The following KCNMA1 variants were observed in gnomAD, a reference collection of about 807,000 sequenced individuals.
The protein encoded by KCNMA1 is potassium calcium-activated channel subfamily M alpha 1, also known as Calcium-activated potassium channel subunit alpha-1.
A neutral mutation model predicts 140.0 loss-of-function variants in KCNMA1; 29 were observed. That is an observed-to-expected ratio of 0.21 (90% confidence interval 0.15 to 0.28). The LOEUF (loss-of-function observed/expected upper bound fraction) is 0.28. Ranked by LOEUF, KCNMA1 falls within the 10% of genes least tolerant of loss-of-function variation. The pLI, the probability that KCNMA1 is intolerant of heterozygous loss-of-function variation, is 1.00. For synonymous variants in KCNMA1, 612 were observed against 611.9 expected, an observed-to-expected ratio of 1.00 and a Z score of 0.00; for missense variants, 880 against 1,602.2, an observed-to-expected ratio of 0.55 and a Z score of 7.70.
At chr10:77,315,965 G>A (rs1267494605) in intron 2 of KCNMA1, among the ~76,000 whole-genome samples, 2 of 152,162 alleles carry the variant, frequency 1.3e-5, no homozygotes, top group Non-Finnish European at 2.9e-5. Context: ...AAAGTACTCA[G>A]CATTGGTGGG....
At chr10:77,318,386 T>C (rs2081423083) in intron 2 of KCNMA1, among the ~76,000 whole-genome samples, 1 of 152,164 alleles carries the variant, frequency 6.6e-6, no homozygotes, top group South Asian at 2.1e-4. Flanking sequence ...GGAATCCATG[T>C]GTGTTGGATT....
chr10:77,122,413 A>C (rs145012821), intron 5 of KCNMA1, among the ~76,000 whole-genome samples: 2 of 152,300 alleles, frequency 1.3e-5, no homozygotes, highest in Non-Finnish European at 2.9e-5. Context: ...CGGGATGTTG[A>C]TGAAATAAAA....
At chr10:77,166,060 G>A (rs1564929600) in intron 5 of KCNMA1, among the ~76,000 whole-genome samples, 2 of 152,184 alleles carry the variant, frequency 1.3e-5, no homozygotes, top group Non-Finnish European at 2.9e-5. Context: ...AAAAGCTGGC[G>A]ACACTTGTGT....
intron 2 of KCNMA1, among the ~76,000 whole-genome samples, chr10:77,273,740 G>A: frequency 1.3e-5 from 2 of 152,164 alleles, no homozygotes; most frequent in East Asian, 3.9e-4. Flanking sequence ...ATCATGGATA[G>A]AATTTGGAGG....
intron 2 of KCNMA1, among the ~76,000 whole-genome samples, chr10:77,350,072 T>C (rs1603307222): frequency 6.6e-6 from 1 of 152,256 alleles, no homozygotes; most frequent in African/African-American, 2.4e-5. Context: ...CTAATTTTTG[T>C]ATTTTTAATA....
In KCNMA1 at chr10:77,403,330, G is replaced by C. The variant is rs147527331; in HGVS notation, c.540+532C>G. Among the ~76,000 whole-genome samples the C allele has an allele frequency of 1.1e-4, 17 of 152,276 alleles. No individual in the cohort carries two copies. In the East Asian group the frequency reaches 3.3e-3, roughly 29 times the overall value. ...GCCAGGCAGCCTCAGGTGGGCTACT[G>C]ATGCATCCACCATCAGCATGACTGA... On this transcript the variant is annotated intron_variant, in intron 2 of 27. Transcript: ENST00000286628.
chr10:77,625,406 T>C (rs2092349431), intron 1 of KCNMA1, among the ~76,000 whole-genome samples: 1 of 152,168 alleles, frequency 6.6e-6, no homozygotes, highest in African/African-American at 2.4e-5. Flanking sequence ...CTCAACCATT[T>C]TTAAGTGTGT....
chr10:76,939,923 T>C (rs1046937672), intron 23 of KCNMA1: 2 of 152,222 alleles, frequency 1.3e-5, no homozygotes, highest in African/African-American at 2.4e-5. Context: ...CTGATTTAAA[T>C]TGAAATGTTT....
chr10:77,450,428 T>TTA (rs1316080385), intron 1 of KCNMA1, among the ~76,000 whole-genome samples: 5 of 152,270 alleles, frequency 3.3e-5, no homozygotes, highest in African/African-American at 7.2e-5. Context: ...ATATTAACAT[T>TTA]TATATATATT....
chr10:77,361,220 C>T (rs1192619702), intron 2 of KCNMA1, among the ~76,000 whole-genome samples: 3 of 152,148 alleles, frequency 2.0e-5, no homozygotes, highest in Non-Finnish European at 4.4e-5. Context: ...CTCTTAACTA[C>T]TATTAGTGTA....
At chr10:77,634,168 A>C (rs2093496973) in intron 1 of KCNMA1, 6 of 985,324 alleles carry the variant, frequency 6.1e-6, no homozygotes, top group Non-Finnish European at 7.2e-6. Flanking sequence ...TATTCAATAT[A>C]GTCTATGACA....
chr10:77,239,860 G>A (rs868634973), intron 3 of KCNMA1, among the ~76,000 whole-genome samples: 19 of 152,270 alleles, frequency 1.2e-4, no homozygotes, highest in African/African-American at 3.9e-4. Context: ...ACAAAGTTCA[G>A]CAAATTGTGA....
intron 3 of KCNMA1, among the ~76,000 whole-genome samples, chr10:77,209,027 TG>T (rs1276952466): frequency 1.3e-5 from 2 of 152,198 alleles, no homozygotes. Flanking sequence ...TATCTCTCTT[TG>T]GAAGAGTGCA....
intron 1 of KCNMA1, among the ~76,000 whole-genome samples, chr10:77,417,042 C>G (rs1220691935): frequency 1.3e-5 from 2 of 152,160 alleles, no homozygotes; most frequent in Non-Finnish European, 2.9e-5. Context: ...ATGACTTGGT[C>G]CTCCTGACTG....
intron 1 of KCNMA1, among the ~76,000 whole-genome samples, chr10:77,421,747 G>A (rs2096870995): frequency 6.6e-6 from 1 of 152,230 alleles, no homozygotes; most frequent in Non-Finnish European, 1.5e-5. Flanking sequence ...TTGGCCCACA[G>A]CCTGTGGTGT....
In KCNMA1 at chr10:77,559,128, G is replaced by C. The variant is rs138862044; in HGVS notation, c.378+78137C>G. Among the ~76,000 whole-genome samples, 312 of 152,316 alleles carry C rather than the reference G, an allele frequency of 2.0e-3. 1 individual carries two copies. Among genetic ancestry groups the C allele is most frequent in the African/African-American group, 7.1e-3 (296 of 41,564 alleles). On this transcript the variant is annotated intron_variant, in intron 1 of 27. Transcript: ENST00000286628. The stretch of plus-strand genomic sequence containing the variant: ...GACATCTCCCACCTGTCCATAAAAG[G>C]TGAGGTCTAATGGTGGCCTCTTTGG...
At chr10:77,374,688 C>T (rs1230481559) in intron 2 of KCNMA1, among the ~76,000 whole-genome samples, 1 of 152,192 alleles carries the variant, frequency 6.6e-6, no homozygotes. Flanking sequence ...TTGCTGATGC[C>T]TTGGTCTTTT....
intron 23 of KCNMA1, among the ~76,000 whole-genome samples, chr10:76,934,095 C>T (rs1253484742): frequency 2.0e-5 from 3 of 152,184 alleles, no homozygotes. Context: ...GCCTCAGCTT[C>T]TGGAGTAGCT....
chr10:77,010,044 G>A (rs774216606), intron 18 of KCNMA1, among the ~76,000 whole-genome samples: 4 of 152,160 alleles, frequency 2.6e-5, no homozygotes, highest in Admixed American at 6.5e-5. Flanking sequence ...TCAAAAATAT[G>A]TGAACGGCTA....
Sources: allele counts gnomAD v4.1 joint callset (sites outside exome capture counted in the v4.1 genomes callset), GRCh38; gene constraint gnomAD v4.1.1; transcripts MANE v1.5; gene names NCBI Gene and HGNC (gene_info 2026-07-23, HGNC 2026-07-21).